The following CLVS2 variants were observed in gnomAD, a reference collection of about 807,000 sequenced individuals.
The protein encoded by CLVS2 is clavesin 2.
Under a neutral mutation model 29.0 loss-of-function variants are expected in CLVS2, and 19 were observed. The ratio of observed to expected loss-of-function variants is 0.66; its 90% CI spans 0.46 to 0.96. The LOEUF is 0.96. Ranked by LOEUF, CLVS2 falls within the 40% of genes least tolerant of loss-of-function variation. CLVS2 has a pLI of 0.00. For missense variants in CLVS2, 294 were observed against 404.1 expected, an observed-to-expected ratio of 0.73 and a Z score of 2.34; for synonymous variants, 161 against 151.3, an observed-to-expected ratio of 1.06 and a Z score of -0.47.
intron 5 of CLVS2, among the ~76,000 whole-genome samples, chr6:123,061,623 C>G (rs1772779546): frequency 6.6e-6 from 1 of 152,132 alleles, no homozygotes; most frequent in African/African-American, 2.4e-5. Flanking sequence ...TAAAAGCAAA[C>G]TAGAAACTTA....
intron 5 of CLVS2, among the ~76,000 whole-genome samples, chr6:123,056,286 C>T (rs899067855): frequency 6.6e-6 from 1 of 151,804 alleles, no homozygotes; most frequent in Non-Finnish European, 1.5e-5. Context: ...CTGTAGTAAC[C>T]CTGATGTATG....
At position 123,011,019 on chromosome 6, in the gene CLVS2, C is replaced by T; in HGVS notation, c.424C>T (p.Leu142Phe). 6.2e-7 allele frequency: 1 copy of T among 1,606,226 alleles called. No individual in the cohort carries two copies. The highest frequency in any genetic ancestry group is 8.5e-7 in the Non-Finnish European group (1 of 1,175,864). Residue 142 changes from leucine to phenylalanine, a missense_variant, in exon 3 of 6, where the codon CTT (leucine) becomes TTT (phenylalanine). Coordinates refer to ENST00000275162, the MANE Select transcript of CLVS2 (RefSeq NM_001010852.4). ...TLVDILRAILLSLEAMIEDPE... is the reference protein window; with the variant it reads ...TLVDILRAILFSLEAMIEDPE... Reference sequence around the variant, plus strand: ...GGTGGATATTTTGCGTGCCATCTTACTTTCTTTAGAAGCCATGATTGAAGA... The same window carrying T: ...GGTGGATATTTTGCGTGCCATCTTATTTTCTTTAGAAGCCATGATTGAAGA...
intron 3 of CLVS2, among the ~76,000 whole-genome samples, chr6:123,047,465 G>A (rs1042154070): frequency 1.3e-5 from 2 of 152,048 alleles, no homozygotes; most frequent in African/African-American, 4.8e-5. Flanking sequence ...GGTAGAAGTT[G>A]CTTCGCAAAA....
At chr6:123,029,631 G>A (rs572800898) in intron 3 of CLVS2, among the ~76,000 whole-genome samples, 44 of 152,110 alleles carry the variant, frequency 2.9e-4, no homozygotes, top group African/African-American at 1.0e-3. Flanking sequence ...GAATGCCACT[G>A]TAAAAAAAAA....
intron 2 of CLVS2, among the ~76,000 whole-genome samples, chr6:123,001,242 T>G (rs941604732): frequency 6.6e-6 from 1 of 152,224 alleles, no homozygotes; most frequent in East Asian, 1.9e-4. Context: ...TGACTATAAA[T>G]AAAATAGTGT....
intron 3 of CLVS2, among the ~76,000 whole-genome samples, chr6:123,020,374 A>G (rs543761716): frequency 6.6e-6 from 1 of 152,138 alleles, no homozygotes; most frequent in Admixed American, 6.6e-5. Context: ...CAGATTTTGA[A>G]TTTTCAGATT....
chr6:123,058,506 C>T (rs1238382600), intron 5 of CLVS2, among the ~76,000 whole-genome samples: 5 of 152,198 alleles, frequency 3.3e-5, no homozygotes, highest in African/African-American at 1.2e-4. Context: ...TGCTCAGCTG[C>T]ACCCACCCCC....
chr6:123,003,679 C>A (rs1774623160), intron 2 of CLVS2, among the ~76,000 whole-genome samples: 1 of 152,074 alleles, frequency 6.6e-6, no homozygotes, highest in African/African-American at 2.4e-5. Context: ...CAATATGTAA[C>A]CTCTCTGGGA....
chr6:123,003,293 C>T (rs139344239), intron 2 of CLVS2, among the ~76,000 whole-genome samples: 35 of 152,278 alleles, frequency 2.3e-4, no homozygotes, highest in Admixed American at 1.5e-3. Context: ...GAGGTTACTA[C>T]GGTGTCCTGA....
In CLVS2 at chr6:123,063,993, G is replaced by T; in HGVS notation, c.*232G>T. ...GTGCCAAGTTGTTTGTAAATATAAT[G>T]TAATCTTCATGTCAAGTTTGTAAAT... On this transcript the variant is annotated 3_prime_UTR_variant, in exon 6 of 6. Transcript: ENST00000275162. 1 of 363,326 alleles carries T rather than the reference G, an allele frequency of 2.8e-6. No individual in the cohort carries two copies. Among genetic ancestry groups the T allele is most frequent in the East Asian group, 4.7e-5 (1 of 21,470 alleles). The allele number at this position is 363,326 out of a possible 1,614,324, so 22.5% of individuals were successfully genotyped here.
intron 3 of CLVS2, among the ~76,000 whole-genome samples, chr6:123,025,778 C>T (rs898667931): frequency 2.6e-5 from 4 of 152,234 alleles, no homozygotes; most frequent in Middle Eastern, 3.4e-3. Flanking sequence ...GAGAGACCAC[C>T]TCAACTCCAG....
chr6:123,048,729 A>T lies in CLVS2; in HGVS notation c.672A>T (p.Lys224Asn), dbSNP rs1772559174. 1 of 1,596,166 alleles carries T rather than the reference A, an allele frequency of 6.3e-7. No individual in the cohort carries two copies. The highest frequency in any genetic ancestry group is 1.3e-5 in the African/African-American group (1 of 74,668). Residue 224 changes from lysine (K) to asparagine (N), a missense_variant, in exon 4 of 6, where the codon AAA (lysine) becomes AAT (asparagine). Around this residue, in one of 2 missense-constraint regions of CLVS2, gnomAD observed 212 missense variants for 336.4 expected, o/e 0.63. Coordinates refer to ENST00000275162, the MANE Select transcript of CLVS2 (RefSeq NM_001010852.4). ...CTTTCCTGAAGGAGAAAACTCGGAA[A>T]AGGGTATTCTTTTCTTTGATTTTTA... Reference protein sequence around the residue: ...IRPFLKEKTRKRIFLHGNNLN... With the variant: ...IRPFLKEKTRNRIFLHGNNLN...
At position 123,068,757 on chromosome 6, in the gene CLVS2, T is replaced by G. The variant is rs908956199; in HGVS notation, c.*4996T>G. The G allele has an allele frequency of 1.3e-5, 2 of 151,758 alleles. No individual in the cohort carries two copies. Among genetic ancestry groups the G allele is most frequent in the African/African-American group, 2.4e-5 (1 of 41,416 alleles). The allele number at this position is 151,758 out of a possible 1,614,324, so 9.4% of individuals were successfully genotyped here. On this transcript the variant is annotated 3_prime_UTR_variant, in exon 6 of 6. Coordinates refer to ENST00000275162, the MANE Select transcript of CLVS2 (RefSeq NM_001010852.4). ...CTACTACAAACTACTTATTTAGTACTACACGGCATTTACTATTTGGCCTTT... is the reference window on the plus strand; with the variant it reads ...CTACTACAAACTACTTATTTAGTACGACACGGCATTTACTATTTGGCCTTT...
chr6:123,053,537 C>G (rs148997870), intron 4 of CLVS2, among the ~76,000 whole-genome samples: 1 of 152,208 alleles, frequency 6.6e-6, no homozygotes, highest in East Asian at 1.9e-4. Context: ...CTGAATTTAG[C>G]AATGAGAAGG....
chr6:123,011,292 A>G (rs1484935385), intron 3 of CLVS2, 133 bp downstream of exon 3: 7 of 582,048 alleles, frequency 1.2e-5, no homozygotes, highest in Non-Finnish European at 2.0e-5. Context: ...GAGCACAAAC[A>G]TTAAAATACT....
chr6:123,024,210 T>C (rs901410816), intron 3 of CLVS2, among the ~76,000 whole-genome samples: 3 of 152,172 alleles, frequency 2.0e-5, no homozygotes, highest in African/African-American at 4.8e-5. Context: ...CCTTAGAAGT[T>C]TATGGCCACT....
chr6:123,060,898 G>A (rs1404065184), intron 5 of CLVS2, among the ~76,000 whole-genome samples: 1 of 152,182 alleles, frequency 6.6e-6, no homozygotes, highest in South Asian at 2.1e-4. Context: ...TAAACACTAT[G>A]TATTGTAGAT....
chr6:123,005,025 A>G (rs1271045634), intron 2 of CLVS2, among the ~76,000 whole-genome samples: 1 of 151,888 alleles, frequency 6.6e-6, no homozygotes, highest in Non-Finnish European at 1.5e-5. Flanking sequence ...GGGAAAGAGC[A>G]CTGGTCTATG....
intron 4 of CLVS2, among the ~76,000 whole-genome samples, chr6:123,052,917 A>G (rs1048482871): frequency 6.7e-6 from 1 of 150,000 alleles, no homozygotes; most frequent in Non-Finnish European, 1.5e-5. Flanking sequence ...TTCAAGACAT[A>G]TATTTCTAGT....
Sources: allele counts gnomAD v4.1 joint callset (sites outside exome capture counted in the v4.1 genomes callset), GRCh38; gene constraint gnomAD v4.1.1; regional missense constraint gnomAD v4.1.1; transcripts MANE v1.5; gene names NCBI Gene and HGNC (gene_info 2026-07-23, HGNC 2026-07-21).